The following ANKS1B variants were observed in gnomAD, a reference collection of about 807,000 sequenced individuals.
ANKS1B encodes ankyrin repeat and sterile alpha motif domain-containing protein 1B.
In ANKS1B, 36 loss-of-function variants were observed where a neutral mutation model predicts 148.3. The observed-to-expected ratio is 0.24, with a 90% CI of 0.19 to 0.32. The LOEUF is 0.32. Among genes scored for constraint, ANKS1B ranks in the 10% least tolerant of loss-of-function variants. ANKS1B has a pLI of 1.00. For synonymous variants in ANKS1B, 542 were observed against 560.8 expected (o/e 0.97, Z 0.47); for missense variants, 1,157 against 1,542.6 (o/e 0.75, Z 4.19).
intron 9 of ANKS1B, among the ~76,000 whole-genome samples, chr12:99,643,552 G>A (rs2098330960): frequency 6.6e-6 from 1 of 152,170 alleles, no homozygotes; most frequent in South Asian, 2.1e-4. Flanking sequence ...CATCCTCTGA[G>A]TCCTCCTTTC....
chr12:99,698,052 A>G lies in ANKS1B; in HGVS notation c.1129-42842T>C, dbSNP rs185612462. Among the ~76,000 whole-genome samples the G allele has an allele frequency of 1.2e-3, 188 of 152,210 alleles. 4 individuals carry two copies. Among genetic ancestry groups the G allele is most frequent in the Non-Finnish European group, 3.8e-4 (26 of 67,990 alleles). ...GGGGTGGGTAGAAAGAGCAGAAGGT[A>G]TAGGAAAGAGGTAGGATTTCTCTGA... On this transcript the variant is annotated intron_variant, in intron 8 of 26. Transcript: ENST00000683438.
intron 21 of ANKS1B, among the ~76,000 whole-genome samples, chr12:98,800,788 A>G (rs2098998619): frequency 6.6e-6 from 1 of 151,878 alleles, no homozygotes; most frequent in South Asian, 2.1e-4. Flanking sequence ...CCTTAAACTT[A>G]CAAGATTAAA....
At chr12:99,759,243 C>T (rs2061853894) in intron 8 of ANKS1B, among the ~76,000 whole-genome samples, 1 of 151,808 alleles carries the variant, frequency 6.6e-6, no homozygotes, top group Non-Finnish European at 1.5e-5. Flanking sequence ...ATGGCAGATG[C>T]AAGAATTCTG....
chr12:99,156,711 C>T (rs1352120307), intron 14 of ANKS1B, among the ~76,000 whole-genome samples: 1 of 152,168 alleles, frequency 6.6e-6, no homozygotes, highest in East Asian at 1.9e-4. Context: ...ACGAATAAAT[C>T]TCTTTCTTCT....
At chr12:99,017,376 T>C (rs549864164) in intron 17 of ANKS1B, among the ~76,000 whole-genome samples, 1 of 152,250 alleles carries the variant, frequency 6.6e-6, no homozygotes, top group South Asian at 2.1e-4. Flanking sequence ...AGGATAGGCA[T>C]AGTTTTTATC....
At chr12:99,969,285 G>A (rs1427889345) in intron 1 of ANKS1B, among the ~76,000 whole-genome samples, 1 of 152,052 alleles carries the variant, frequency 6.6e-6, no homozygotes, top group East Asian at 1.9e-4. Flanking sequence ...CTCAAGCAAT[G>A]CTTCTACCTC....
chr12:99,745,426 C>A (rs1050751205), intron 8 of ANKS1B, among the ~76,000 whole-genome samples: 4 of 152,136 alleles, frequency 2.6e-5, no homozygotes, highest in African/African-American at 4.8e-5. Context: ...ATAAAAATAT[C>A]TCTAAGCACT....
At chr12:99,539,720 G>C (rs956903299) in intron 9 of ANKS1B, among the ~76,000 whole-genome samples, 2 of 152,088 alleles carry the variant, frequency 1.3e-5, no homozygotes, top group African/African-American at 4.8e-5. Flanking sequence ...TTCTGTTTTT[G>C]TTTGTTTTAG....
chr12:99,362,472 T>C (rs535567787), intron 12 of ANKS1B, among the ~76,000 whole-genome samples: 1 of 152,104 alleles, frequency 6.6e-6, no homozygotes, highest in South Asian at 2.1e-4. Flanking sequence ...ACTTAAGAAT[T>C]TAAATTCTTC....
At chr12:99,467,712 C>G (rs2096151403) in intron 10 of ANKS1B, among the ~76,000 whole-genome samples, 1 of 152,078 alleles carries the variant, frequency 6.6e-6, no homozygotes, top group African/African-American at 2.4e-5. Context: ...GAATAAAATA[C>G]CTAGGAATCC....
intron 10 of ANKS1B, among the ~76,000 whole-genome samples, chr12:99,465,010 A>C (rs2096071953): frequency 6.6e-6 from 1 of 152,234 alleles, no homozygotes; most frequent in South Asian, 2.1e-4. Context: ...CAAAGTTGAA[A>C]TGAAGGAAAA....
intron 9 of ANKS1B, among the ~76,000 whole-genome samples, chr12:99,581,815 C>T (rs960016564): frequency 3.5e-4 from 52 of 149,584 alleles, no homozygotes; most frequent in African/African-American, 1.1e-3. Flanking sequence ...GGCGTCAACC[C>T]GGGAAGCGGA....
rs769789024 is a variant in ANKS1B, at chr12:99,053,144, G to C, written c.2778+13C>G. 18 of 1,595,618 alleles carry C rather than the reference G, an allele frequency of 1.1e-5. No homozygotes were observed. Among genetic ancestry groups the C allele is most frequent in the Non-Finnish European group, 1.5e-5 (18 of 1,171,582 alleles). ...GGTTGAATAGTTAAGGTGTCACTAAGAGACCAACTTACATTAATAAGTTCA... is the reference window on the plus strand; with the variant it reads ...GGTTGAATAGTTAAGGTGTCACTAACAGACCAACTTACATTAATAAGTTCA... On this transcript the variant is annotated intron_variant, in intron 17 of 26. Coordinates refer to ENST00000683438, the MANE Select transcript of ANKS1B (RefSeq NM_001352186.2).
intron 14 of ANKS1B, among the ~76,000 whole-genome samples, chr12:99,160,541 G>T (rs1242034665): frequency 2.7e-5 from 4 of 149,966 alleles, no homozygotes; most frequent in African/African-American, 9.8e-5. Flanking sequence ...GTAGAGATGG[G>T]GTTTCACCAT....
intron 10 of ANKS1B, among the ~76,000 whole-genome samples, chr12:99,461,534 A>G (rs1466563025): frequency 6.6e-6 from 1 of 152,226 alleles, no homozygotes; most frequent in African/African-American, 2.4e-5. Flanking sequence ...TGTAAATTCC[A>G]GTAGTATTCC....
Position 98,968,475 on chromosome 12 carries a change from C to A in ANKS1B, c.2778+84682G>T, listed in dbSNP as rs143410173. On this transcript the variant is annotated intron_variant, in intron 17 of 26. Transcript: ENST00000683438. ...ATACCAGACCAAAAAAACAAACAAA[C>A]AAAAAAATTAGGAAGGTCAGGAAGG... 4.9e-4 allele frequency among the ~76,000 whole-genome samples: 75 copies of A among 152,078 alleles called. 4 individuals are homozygous for A. The East Asian group carries it at 0.014, about 28-fold the overall frequency.
At chr12:99,060,283 C>G (rs1259602617) in intron 16 of ANKS1B, among the ~76,000 whole-genome samples, 1 of 151,820 alleles carries the variant, frequency 6.6e-6, no homozygotes, top group Non-Finnish European at 1.5e-5. Flanking sequence ...TACTTGGCCT[C>G]AGAGAGAGTA....
chr12:99,242,800 C>T (rs2089599046), intron 14 of ANKS1B, among the ~76,000 whole-genome samples: 1 of 152,130 alleles, frequency 6.6e-6, no homozygotes, highest in Admixed American at 6.5e-5. Flanking sequence ...GGAAAGGATT[C>T]CCTATTTAAT....
At chr12:99,824,273 G>A (rs947666305) in intron 2 of ANKS1B, among the ~76,000 whole-genome samples, 22 of 152,056 alleles carry the variant, frequency 1.4e-4, no homozygotes, top group African/African-American at 4.8e-4. Context: ...AGGCCAAGGC[G>A]GGCAGATCAC....
Sources: allele counts gnomAD v4.1 joint callset (sites outside exome capture counted in the v4.1 genomes callset), GRCh38; gene constraint gnomAD v4.1.1; transcripts MANE v1.5; gene names NCBI Gene and HGNC (gene_info 2026-07-23, HGNC 2026-07-21).